The following NUTM1 variants were observed in gnomAD, a reference collection of about 807,000 sequenced individuals.
NUTM1 encodes the protein NUT family member 1.
A neutral mutation model predicts 88.7 loss-of-function variants in NUTM1; 39 were observed. The observed-to-expected ratio is 0.44, with a 90% CI of 0.34 to 0.57. NUTM1 has a LOEUF of 0.57. Ranked by LOEUF, NUTM1 falls within the 20% of genes least tolerant of loss-of-function variation. The pLI is 0.01. For synonymous variants in NUTM1, 494 were observed against 538.0 expected (o/e 0.92, Z 1.13); for missense variants, 1,350 against 1,414.5 (o/e 0.95, Z 0.73).
chr15:34,348,184 C>G lies in NUTM1; in HGVS notation c.316C>G (p.Pro106Ala). The stretch of plus-strand genomic sequence containing the variant: ...ACTGTTGGTGACAGGGGATGGGGGC[C>G]CTTGCCTCAGTGGGGCTGGGGCTGG... ...SSLLVTGDGGPCLSGAGAGKV... is the reference protein window; with the variant it reads ...SSLLVTGDGGACLSGAGAGKV... Residue 106 changes from proline (P) to alanine (A), a missense_variant, in exon 3 of 8, where the codon CCT becomes GCT. Around this residue, in one of 5 missense-constraint regions of NUTM1, gnomAD observed 399 missense variants for 397.9 expected, o/e 1.00. Transcript: ENST00000537011. 6.2e-7 allele frequency: 1 copy of G among 1,614,226 alleles called. No individual in the cohort carries two copies. The highest frequency in any genetic ancestry group is 8.5e-7 in the Non-Finnish European group (1 of 1,180,042).
intron 1 of NUTM1, among the ~76,000 whole-genome samples, chr15:34,344,364 G>A (rs1189513153): frequency 2.0e-5 from 3 of 151,608 alleles, no homozygotes; most frequent in Non-Finnish European, 4.4e-5. Flanking sequence ...TTAGCGGGGC[G>A]TGGTGGCGGG....
chr15:34,357,080 A>C lies in NUTM1; in HGVS notation c.3072A>C (p.Ser1024=), dbSNP rs749260331. ...CTTCTGTTAGTAAAACACACAGGTC[A>C]GCAGACAGGGCCAAAGGAAAGGAGA... is the stretch of plus-strand genomic sequence containing the variant. ...RETSVSKTHR[S]ADRAKGKEKK... is the part of the protein sequence containing the mutation. The change falls in exon 8 of 8, where the codon TCA becomes TCC. Residue 1024 remains serine, a synonymous_variant. Transcript: ENST00000537011. The C allele has an allele frequency of 6.2e-7, 1 of 1,614,142 alleles. No individual in the cohort carries two copies. Among genetic ancestry groups the C allele is most frequent in the South Asian group, 1.1e-5 (1 of 91,070 alleles).
chr15:34,347,832 G>C (rs201606656), intron 2 of NUTM1, 137 bp from the exon 3 acceptor site: 1 of 487,794 alleles, frequency 2.1e-6, no homozygotes, highest in Non-Finnish European at 3.4e-6. Context: ...CAGCCTGGGC[G>C]ACAGAGCGAG....
chr15:34,346,800 T>C, intron 2 of NUTM1, among the ~76,000 whole-genome samples: 1 of 134,902 alleles, frequency 7.4e-6, no homozygotes, highest in Admixed American at 8.3e-5. Flanking sequence ...GGAGAATCAC[T>C]TGAACCCAGG....
At chr15:34,344,790 G>A (rs551114406) in intron 1 of NUTM1, among the ~76,000 whole-genome samples, 4 of 152,126 alleles carry the variant, frequency 2.6e-5, no homozygotes, top group South Asian at 2.1e-4. Context: ...AGGCTGAGGC[G>A]GGCGGATCAT....
intron 2 of NUTM1, among the ~76,000 whole-genome samples, chr15:34,346,324 T>C (rs1890585116): frequency 6.6e-6 from 1 of 151,888 alleles, no homozygotes; most frequent in South Asian, 2.1e-4. Flanking sequence ...TGTGTTTTTG[T>C]GGTGGGAGAG....
chr15:34,353,959 A>G lies in NUTM1; in HGVS notation c.1075+87A>G, dbSNP rs78846907. 11,414 of 1,456,246 alleles carry G rather than the reference A, an allele frequency of 7.8e-3. 53 individuals are homozygous for G. The highest frequency in any genetic ancestry group is 0.012 in the Middle Eastern group (47 of 3,964). 90.2% of individuals were successfully genotyped at this position (1,456,246 alleles called of 1,614,324 possible). A position where few individuals can be genotyped will look rare whatever the true frequency, so the allele number is the denominator to read the frequency against. On this transcript the variant is annotated intron_variant, in intron 5 of 7. Transcript: ENST00000537011. ...GCCAGTCACAGATTAGAGAAGGCAT[A>G]GCCCAGGCTCTGCCACTTTCCCTCT...
chr15:34,353,630 C>A, intron 4 of NUTM1, 106 bp from the exon 5 acceptor site: 2 of 1,390,776 alleles, frequency 1.4e-6, no homozygotes, highest in Admixed American at 1.9e-5. Flanking sequence ...CAGACTTTGC[C>A]CACCTGAGAG....
Position 34,351,079 on chromosome 15 carries a change from T to C in NUTM1, c.938+247T>C, listed in dbSNP as rs979801725. Among the ~76,000 whole-genome samples the C allele has an allele frequency of 8.0e-4, 120 of 150,492 alleles. 1 individual carries two copies. Among genetic ancestry groups the C allele is most frequent in the African/African-American group, 2.8e-3 (116 of 41,038 alleles). ...ACTAAAAAAAAAAAAAATACAAAAA[T>C]TAGCCGGGCATGGTGGCATGTGCCT... On this transcript the variant is annotated intron_variant, in intron 4 of 7. Transcript: ENST00000537011.
Position 34,356,918 on chromosome 15 carries a change from G to C in NUTM1, c.2910G>C (p.Lys970Asn), listed in dbSNP as rs1208057819. ...GCAGGGTGGATCCTGATCTGTCCAA[G>C]CCTAAAAACCTTGCTCCTTTACAAG... ...GEGRVDPDLS[K>N]PKNLAPLQES... The change falls in exon 8 of 8, where the codon AAG becomes AAC. Residue 970 changes from lysine to asparagine, a missense_variant. Lys to Asn is a moderately conservative substitution (Grantham distance 94). Coordinates refer to ENST00000537011, the MANE Select transcript of NUTM1 (RefSeq NM_001284292.2). 1.2e-6 allele frequency: 2 copies of C among 1,613,496 alleles called. No individual in the cohort carries two copies. Among genetic ancestry groups the C allele is most frequent in the African/African-American group, 2.7e-5 (2 of 74,706 alleles).
intron 2 of NUTM1, among the ~76,000 whole-genome samples, chr15:34,347,262 C>T (rs1221936642): frequency 6.9e-6 from 1 of 144,870 alleles, no homozygotes; most frequent in Non-Finnish European, 1.5e-5. Context: ...TACAATTTTT[C>T]TTTTTTTTTT....
At chr15:34,351,840 C>G (rs1199951788) in intron 4 of NUTM1, among the ~76,000 whole-genome samples, 1 of 148,792 alleles carries the variant, frequency 6.7e-6, no homozygotes, top group Non-Finnish European at 1.5e-5. Context: ...TGTCTCCTGG[C>G]TCTTCTTCTA....
In NUTM1 at chr15:34,343,514, C is replaced by G. The variant is rs1325473964; in HGVS notation, c.-183C>G. On this transcript the variant is annotated 5_prime_UTR_variant, in exon 1 of 8. Transcript: ENST00000537011. ...GAAAGAAGAGGTTTTCTTCCCTCCCCTCTTTTACATCCAGTTCCCCTGCTC... is the reference window on the plus strand; with the variant it reads ...GAAAGAAGAGGTTTTCTTCCCTCCCGTCTTTTACATCCAGTTCCCCTGCTC... The G allele has an allele frequency of 1.4e-6, 2 of 1,397,450 alleles. No homozygotes were observed. The highest frequency in any genetic ancestry group is 2.2e-5 in the Admixed American group (1 of 45,100). The allele number at this position is 1,397,450 out of a possible 1,614,324, so 86.6% of individuals were successfully genotyped here. A position where few individuals can be genotyped will look rare whatever the true frequency, so the allele number is the denominator to read the frequency against.
Position 34,354,607 on chromosome 15 carries a change from A to T in NUTM1, c.1237A>T (p.Thr413Ser), listed in dbSNP as rs768935022. Residue 413 changes from threonine (T) to serine (S), a missense_variant, in exon 6 of 8, where the codon ACT (threonine) becomes TCT (serine). Around this residue, in one of 5 missense-constraint regions of NUTM1, gnomAD observed 126 missense variants for 189.8 expected, o/e 0.66. Coordinates refer to ENST00000537011, the MANE Select transcript of NUTM1 (RefSeq NM_001284292.2). ...MEWLVGTHLA[T>S]GESDGKQEEE... ...ATGGCTGGTGGGGACTCACTTGGCCACTGGGGAGTCAGATGGAAAACAAGA... is the reference window on the plus strand; with the variant it reads ...ATGGCTGGTGGGGACTCACTTGGCCTCTGGGGAGTCAGATGGAAAACAAGA... 2 of 1,614,118 alleles carry T rather than the reference A, an allele frequency of 1.2e-6. No homozygotes were observed. The highest frequency in any genetic ancestry group is 2.2e-5 in the South Asian group (2 of 91,078).
At chr15:34,345,849 C>G (rs1890575205) in intron 1 of NUTM1, 93 bp from the exon 2 acceptor site, 5 of 1,515,112 alleles carry the variant, frequency 3.3e-6, no homozygotes, top group Non-Finnish European at 4.4e-6. Flanking sequence ...TCCCCTCCCC[C>G]ACAGCAGAAT....
At chr15:34,346,426 G>A (rs1020123835) in intron 2 of NUTM1, among the ~76,000 whole-genome samples, 2 of 151,242 alleles carry the variant, frequency 1.3e-5, no homozygotes, top group African/African-American at 4.9e-5. Flanking sequence ...ACTGGAGCCT[G>A]TTCTAGGATT....
In NUTM1 at chr15:34,357,640, GGAGA is replaced by G. The variant is rs1566891939; in HGVS notation, c.*155_*158del. The G allele has an allele frequency of 3.5e-6, 5 of 1,447,946 alleles. No homozygotes were observed. Among genetic ancestry groups the G allele is most frequent in the African/African-American group, 1.4e-5 (1 of 72,024 alleles). 89.7% of individuals were successfully genotyped at this position (1,447,946 alleles called of 1,614,324 possible). The stretch of plus-strand genomic sequence containing the variant: ...GTTGTTCTGCAAAAGTGGCAAGCAT[GGAGA>G]GAGAGGTCAGACTGGCTAGGCTGCA... On this transcript the variant is annotated 3_prime_UTR_variant, in exon 8 of 8. Transcript: ENST00000537011.
chr15:34,346,881 T>TAAAAAAAAAAAAAAAA lies in NUTM1; in HGVS notation c.100+857_100+872dup, dbSNP rs10671676. ...ATGGGCCACAGAGCAAGACTCCATCTAAAAAAAAAAAAAAAAAAAAAAAAA... is the reference window on the plus strand; with the variant it reads ...ATGGGCCACAGAGCAAGACTCCATCTAAAAAAAAAAAAAAAAAAAAAAAAAAAAAAAAAAAAAAAAA... On this transcript the variant is annotated intron_variant, in intron 2 of 7. Transcript: ENST00000537011. Among the ~76,000 whole-genome samples, 2 of 34,326 alleles carry TAAAAAAAAAAAAAAAA rather than the reference T, an allele frequency of 5.8e-5. 1 individual carries two copies. The highest frequency in any genetic ancestry group is 2.4e-4 in the African/African-American group (2 of 8,484). The allele number at this position is 34,326 out of a possible 152,430, so 22.5% of individuals were successfully genotyped here.
chr15:34,352,686 G>T (rs937389608), intron 4 of NUTM1, among the ~76,000 whole-genome samples: 3 of 146,768 alleles, frequency 2.0e-5, no homozygotes, highest in Non-Finnish European at 4.5e-5. Context: ...CGCACCTGTA[G>T]TCCCAGCTAC....
Sources: allele counts gnomAD v4.1 joint callset (sites outside exome capture counted in the v4.1 genomes callset), GRCh38; gene constraint gnomAD v4.1.1; regional missense constraint gnomAD v4.1.1; transcripts MANE v1.5; gene names NCBI Gene and HGNC (gene_info 2026-07-23, HGNC 2026-07-21).